HTR2C: variants seen among roughly 807,000 people sequenced by gnomAD.
HTR2C encodes 5-hydroxytryptamine (serotonin) receptor 2C, G protein-coupled.
A neutral mutation model predicts 21.0 loss-of-function variants in HTR2C; 5 were observed. The observed-to-expected ratio is 0.24, with a 90% CI of 0.12 to 0.50. The LOEUF (loss-of-function observed/expected upper bound fraction) is 0.50. Among genes scored for constraint, HTR2C ranks in the 20% least tolerant of loss-of-function variants. HTR2C has a pLI of 0.98. For missense variants in HTR2C, 271 were observed against 371.2 expected (o/e 0.73, Z 2.22); for synonymous variants, 150 against 145.3 (o/e 1.03, Z -0.23).
chrX:114,690,117 A>G (rs1211620536), intron 2 of HTR2C, among the ~76,000 whole-genome samples: 1 of 111,468 alleles, frequency 9.0e-6, no homozygotes, highest in Admixed American at 9.6e-5. Flanking sequence ...TGAGTGAGGA[A>G]TTATTTTGGT....
intron 2 of HTR2C, among the ~76,000 whole-genome samples, chrX:114,696,273 C>T (rs1244962668): frequency 9.0e-6 from 1 of 111,182 alleles, no homozygotes; most frequent in East Asian, 2.8e-4. Flanking sequence ...GTCACGTCAC[C>T]CTTCATCTTT....
At chrX:114,817,838 A>T (rs1168887033) in intron 4 of HTR2C, among the ~76,000 whole-genome samples, 3 of 111,544 alleles carry the variant, frequency 2.7e-5, no homozygotes, top group African/African-American at 9.8e-5. Context: ...ATATTTCCCA[A>T]TTCTGTTTAT....
intron 4 of HTR2C, among the ~76,000 whole-genome samples, chrX:114,747,261 A>T (rs1392302527): frequency 8.9e-6 from 1 of 112,423 alleles, no homozygotes; most frequent in Non-Finnish European, 1.9e-5. Context: ...ATCTACAATT[A>T]TCCTTAAGCA....
At chrX:114,715,257 G>A (rs932820587) in intron 2 of HTR2C, 4 of 374,732 alleles carry the variant, frequency 1.1e-5, no homozygotes, top group African/African-American at 2.6e-5. Context: ...GAGTTCATTC[G>A]GCTGTCCAGA....
chrX:114,687,553 A>G (rs782022297), intron 2 of HTR2C, among the ~76,000 whole-genome samples: 1 of 112,098 alleles, frequency 8.9e-6, no homozygotes, highest in South Asian at 3.7e-4. Context: ...TGTTATTAAG[A>G]TTAATTAAGA....
Position 114,738,515 on chromosome X carries a change from TTGTGTTACTAG to T in HTR2C, c.349+6910_349+6920del, listed in dbSNP as rs1395575486. Among the ~76,000 whole-genome samples, 10 of 110,590 alleles carry T rather than the reference TTGTGTTACTAG, an allele frequency of 9.0e-5. 1 individual carries two copies. In the Admixed American group the frequency reaches 9.7e-4, roughly 11 times the overall value. On this transcript the variant is annotated intron_variant, in intron 4 of 5. Coordinates refer to ENST00000276198, the MANE Select transcript of HTR2C (RefSeq NM_000868.4). ...CACTATTATTACTATTCTAGTAACA[TTGTGTTACTAG>T]TAACACAGGAACAGAAAACCAAACA...
rs1556486990 is a variant in HTR2C, at chrX:114,906,822, G to A, written c.784G>A (p.Asp262Asn). 8.3e-7 allele frequency: 1 copy of A among 1,211,163 alleles called. No individual in the cohort carries two copies. The highest frequency in any genetic ancestry group is 1.8e-5 in the South Asian group (1 of 56,878). The change falls in exon 6 of 6, where the codon GAT (aspartate) becomes AAT (asparagine). Residue 262 changes from aspartate (D) to asparagine (N), a missense_variant. By Grantham distance (23) the Asp-to-Asn change is conservative. Transcript: ENST00000276198. ...CGAGGAACCGCCTGGACTAAGTCTG[G>A]ATTTCCTGAAGTGCTGCAAGAGGAA... Reference protein sequence around the residue: ...HTEEPPGLSLDFLKCCKRNTA... With the variant: ...HTEEPPGLSLNFLKCCKRNTA...
intron 1 of HTR2C, among the ~76,000 whole-genome samples, chrX:114,603,895 A>C (rs2147796822): frequency 9.7e-6 from 1 of 103,590 alleles, no homozygotes; most frequent in East Asian, 3.1e-4. Context: ...TAAGGCGCAG[A>C]TCCTGAACTA....
intron 4 of HTR2C, among the ~76,000 whole-genome samples, chrX:114,741,739 A>T (rs1348164696): frequency 9.3e-6 from 1 of 107,270 alleles, no homozygotes; most frequent in East Asian, 3.0e-4. Context: ...CCCACTAAAA[A>T]CTATCTCTTC....
At chrX:114,649,807 G>T (rs1873363145) in intron 2 of HTR2C, among the ~76,000 whole-genome samples, 1 of 110,360 alleles carries the variant, frequency 9.1e-6, no homozygotes, top group African/African-American at 3.3e-5. Flanking sequence ...TAGAGATGGG[G>T]TTTCACCATG....
chrX:114,667,068 G>A (rs1302093091), intron 2 of HTR2C, among the ~76,000 whole-genome samples: 1 of 110,540 alleles, frequency 9.0e-6, no homozygotes, highest in Non-Finnish European at 1.9e-5. Flanking sequence ...GGAACTCTGG[G>A]CACTATCAAA....
chrX:114,820,922 T>A (rs1207080281), intron 4 of HTR2C, among the ~76,000 whole-genome samples: 1 of 111,778 alleles, frequency 8.9e-6, no homozygotes, highest in Admixed American at 9.6e-5. Context: ...CAGGAGTTTC[T>A]CTTTTCTGTT....
At position 114,817,618 on chromosome X, in the gene HTR2C, A is replaced by G. The variant is rs782231515; in HGVS notation, c.350-30385A>G. Among the ~76,000 whole-genome samples, 8 of 111,400 alleles carry G rather than the reference A, an allele frequency of 7.2e-5. No individual in the cohort carries two copies. The South Asian group carries it at 3.0e-3, about 42-fold the overall frequency. On this transcript the variant is annotated intron_variant, in intron 4 of 5. Coordinates refer to ENST00000276198, the MANE Select transcript of HTR2C (RefSeq NM_000868.4). ...TATTCCCATTCCCCCTTCAAGTGCC[A>G]TGGTAGCCTTAAAAACCAACATCCT... is the stretch of plus-strand genomic sequence containing the variant.
chrX:114,822,620 A>C (rs2070644684), intron 4 of HTR2C, among the ~76,000 whole-genome samples: 1 of 112,506 alleles, frequency 8.9e-6, no homozygotes, highest in African/African-American at 3.2e-5. Context: ...TTTTGAGATC[A>C]GCTTGAAAGG....
At chrX:114,871,614 G>A (rs1272814767) in intron 5 of HTR2C, among the ~76,000 whole-genome samples, 2 of 88,817 alleles carry the variant, frequency 2.3e-5, no homozygotes, top group African/African-American at 7.6e-5. Context: ...TGTGGCTTAC[G>A]ATTTTTGTGA....
rs1569495669 is a variant in HTR2C at position 114,805,963 on chromosome X, T to TACCATATATATATAC, written c.350-42028_350-42027insTACACCATATATATA. ...ACCATATATATATACACCATATATA[T>TACCATATATATATAC]ACCATATATATACACCATATATATA... On this transcript the variant is annotated intron_variant, in intron 4 of 5. Transcript: ENST00000276198. 8.4e-4 allele frequency among the ~76,000 whole-genome samples: 45 copies of TACCATATATATATAC among 53,606 alleles called. 1 individual carries two copies. Among genetic ancestry groups the TACCATATATATATAC allele is most frequent in the African/African-American group, 2.5e-3 (45 of 18,000 alleles). 46.6% of individuals were successfully genotyped at this position (53,606 alleles called of 115,157 possible).
At chrX:114,877,548 C>G (rs1395554409) in intron 5 of HTR2C, among the ~76,000 whole-genome samples, 1 of 110,012 alleles carries the variant, frequency 9.1e-6, no homozygotes, top group African/African-American at 3.3e-5. Flanking sequence ...TATTTGATGT[C>G]TTTATTTTTA....
intron 4 of HTR2C, among the ~76,000 whole-genome samples, chrX:114,842,370 A>C (rs1556465869): frequency 8.9e-6 from 1 of 112,152 alleles, no homozygotes; most frequent in East Asian, 2.8e-4. Flanking sequence ...TGCCTGACTC[A>C]GAGCATTTCC....
At position 114,908,333 on chromosome X, in the gene HTR2C, G is replaced by C. The variant is rs782658235; in HGVS notation, c.*918G>C. 4 of 111,871 alleles carry C rather than the reference G, an allele frequency of 3.6e-5. No individual in the cohort carries two copies. The South Asian group carries it at 1.5e-3, about 42-fold the overall frequency. 9.2% of individuals were successfully genotyped at this position (111,871 alleles called of 1,213,427 possible). Reference sequence around the variant, plus strand: ...GTGTGCTTCACACAAAGTGAAATTAGTATTTTGAGCCTTATTAAAATATTT... The same window carrying C: ...GTGTGCTTCACACAAAGTGAAATTACTATTTTGAGCCTTATTAAAATATTT... On this transcript the variant is annotated 3_prime_UTR_variant, in exon 6 of 6. Transcript: ENST00000276198.
Sources: gnomAD v4.1 joint callset for allele counts (sites outside exome capture counted in the v4.1 genomes callset) on GRCh38, gnomAD v4.1.1 for gene constraint, MANE v1.5 for transcripts, NCBI Gene and HGNC (gene_info 2026-07-23, HGNC 2026-07-21) for gene names.